PCDHGA2: variants seen among roughly 807,000 people sequenced by gnomAD.
The protein encoded by PCDHGA2 is protocadherin gamma subfamily A, 2, also known as protocadherin gamma-A2.
Under a neutral mutation model 59.2 loss-of-function variants are expected in PCDHGA2, and 40 were observed. That is an observed-to-expected ratio of 0.68 (90% confidence interval 0.52 to 0.88). PCDHGA2 has a LOEUF of 0.88. PCDHGA2 is among the 40% of genes least tolerant of loss of function. The probability of loss-of-function intolerance (pLI) is 0.00; values close to 1 mark genes in which losing one functional copy is unlikely to be tolerated. For synonymous variants in PCDHGA2, 560 were observed against 526.0 expected (o/e 1.06, Z -0.89); for missense variants, 1,226 against 1,204.0 (o/e 1.02, Z -0.27).
intron 1 of PCDHGA2, chr5:141,404,048 ATTC>A (rs1247713760): frequency 1.9e-6 from 3 of 1,613,866 alleles, no homozygotes; most frequent in South Asian, 1.1e-5. Flanking sequence ...GGGAACAGTA[ATTC>A]TTCTTTTCAA....
At chr5:141,385,263 T>C in intron 1 of PCDHGA2, 1 of 1,613,672 alleles carries the variant, frequency 6.2e-7, no homozygotes, top group Non-Finnish European at 8.5e-7. Flanking sequence ...GTGAGAAAAA[T>C]GATTCTTTGC....
intron 1 of PCDHGA2, chr5:141,352,285 T>C (rs750239833): frequency 1.9e-6 from 3 of 1,613,662 alleles, no homozygotes; most frequent in Non-Finnish European, 2.5e-6. Flanking sequence ...GCGACCGCCC[T>C]GAGCCCTCTG....
intron 1 of PCDHGA2, chr5:141,366,264 C>A (rs1421059468): frequency 6.2e-7 from 1 of 1,613,686 alleles, no homozygotes; most frequent in Non-Finnish European, 8.5e-7. Flanking sequence ...CTCGTGGTGG[C>A]CGTCGAAGAC....
rs1012728568 is a variant in PCDHGA2 at position 141,495,487 on chromosome 5, T to C, written c.2483+622T>C. Among the ~76,000 whole-genome samples, 22 of 152,328 alleles carry C rather than the reference T, an allele frequency of 1.4e-4. 1 individual carries two copies. The East Asian group carries it at 4.1e-3, about 28-fold the overall frequency. ...GGGGTCTCCGTGTCTCTGCCCCTTT[T>C]TCTTGAGTTTCCGTCTTTGCCACTT... On this transcript the variant is annotated intron_variant, in intron 2 of 3. Coordinates refer to ENST00000394576, the MANE Select transcript of PCDHGA2 (RefSeq NM_018915.4).
At chr5:141,393,301 G>A (rs1398078406) in intron 1 of PCDHGA2, 2 of 1,613,768 alleles carry the variant, frequency 1.2e-6, no homozygotes, top group Non-Finnish European at 1.7e-6. Context: ...CCGGATGTGG[G>A]CGTGAACTCC....
chr5:141,357,730 A>G (rs1330866437), intron 1 of PCDHGA2: 2 of 1,357,402 alleles, frequency 1.5e-6, no homozygotes, highest in Non-Finnish European at 2.0e-6. Flanking sequence ...CTCTTTTAAT[A>G]TTTTATTGCT....
intron 1 of PCDHGA2, among the ~76,000 whole-genome samples, chr5:141,488,434 C>T (rs1231743982): frequency 2.6e-5 from 4 of 152,166 alleles, no homozygotes; most frequent in African/African-American, 7.2e-5. Flanking sequence ...TGGCCTCTGA[C>T]CACCCTCCTG....
intron 1 of PCDHGA2, chr5:141,405,141 A>G (rs749502643): frequency 6.2e-7 from 1 of 1,613,980 alleles, no homozygotes; most frequent in South Asian, 1.1e-5. Flanking sequence ...GCTACCAGTG[A>G]TGGGTTGGCT....
chr5:141,472,316 C>T (rs1456055286), intron 1 of PCDHGA2, among the ~76,000 whole-genome samples: 6 of 151,940 alleles, frequency 3.9e-5, no homozygotes, highest in Non-Finnish European at 8.8e-5. Context: ...CCGAGGCAGG[C>T]AGATCACGAG....
intron 1 of PCDHGA2, chr5:141,344,198 GC>G: frequency 6.2e-7 from 1 of 1,614,034 alleles, no homozygotes; most frequent in South Asian, 1.1e-5. Context: ...TGGGGCTAGA[GC>G]CCCGGGAGCT....
chr5:141,504,200 G>C (rs1232187138), intron 2 of PCDHGA2, among the ~76,000 whole-genome samples: 1 of 152,154 alleles, frequency 6.6e-6, no homozygotes, highest in Non-Finnish European at 1.5e-5. Context: ...TTGTCACTGT[G>C]GGAAAATTCC....
At chr5:141,365,312 G>C in intron 1 of PCDHGA2, 1 of 1,614,006 alleles carries the variant, frequency 6.2e-7, no homozygotes, top group Non-Finnish European at 8.5e-7. Context: ...AGGCGCTCTT[G>C]TTGCCAGCGC....
chr5:141,476,271 C>T lies in PCDHGA2; in HGVS notation c.2425-18536C>T. Reference sequence around the variant, plus strand: ...GGTTTCGCTGTGGGCAACGTGGTCGCGAACCTTGGTTTGGATCTCGGTAGC... The same window carrying T: ...GGTTTCGCTGTGGGCAACGTGGTCGTGAACCTTGGTTTGGATCTCGGTAGC... On this transcript the variant is annotated intron_variant, in intron 1 of 3. Coordinates refer to ENST00000394576, the MANE Select transcript of PCDHGA2 (RefSeq NM_018915.4). This position sits in a 1 kb window ranked among gnomAD's most constrained non-coding sequence, Gnocchi z 7.6. 4 of 1,613,892 alleles carry T rather than the reference C, an allele frequency of 2.5e-6. No homozygotes were observed. The highest frequency in any genetic ancestry group is 3.4e-6 in the Non-Finnish European group (4 of 1,179,974).
intron 1 of PCDHGA2, among the ~76,000 whole-genome samples, chr5:141,454,796 ATTTTTTTTTTT>A (rs61612330): frequency 0.01 from 775 of 77,498 alleles, 10 homozygotes; most frequent in African/African-American, 0.043. Context: ...CATGGTTCTA[ATTTTTTTTTTT>A]TTTTTTTTTT....
rs534823543 is a variant in PCDHGA2, at chr5:141,383,535, C to T, written c.2424+42140C>T. ...AAGAGCGGGTTCACCACCTGGTCCT[C>T]ACAGCCTCTGATGGCGGCGACCCGC... On this transcript the variant is annotated intron_variant, in intron 1 of 3. Transcript: ENST00000394576. The T allele has an allele frequency of 1.9e-5, 31 of 1,612,472 alleles. No individual in the cohort carries two copies. The African/African-American group carries it at 3.7e-4, about 19-fold the overall frequency.
At chr5:141,371,745 G>C (rs767038146) in intron 1 of PCDHGA2, 1 of 1,614,002 alleles carries the variant, frequency 6.2e-7, no homozygotes, top group Non-Finnish European at 8.5e-7. Context: ...CAACGTTCCC[G>C]TTTTCCACCA....
At chr5:141,403,972 A>G in intron 1 of PCDHGA2, 1 of 1,613,968 alleles carries the variant, frequency 6.2e-7, no homozygotes, top group East Asian at 2.2e-5. Flanking sequence ...TGGAAGATGT[A>G]AATGACAATA....
intron 1 of PCDHGA2, chr5:141,428,120 C>T (rs756805763): frequency 3.7e-6 from 6 of 1,606,528 alleles, no homozygotes; most frequent in East Asian, 4.5e-5. Flanking sequence ...CCATCGAGCC[C>T]GGGCTTTTCA....
intron 1 of PCDHGA2, chr5:141,407,992 G>A (rs929571955): frequency 4.3e-5 from 37 of 851,508 alleles, no homozygotes; most frequent in Middle Eastern, 3.7e-4. Context: ...GTCAGCCTCT[G>A]GCCTGGGATT....
Sources: allele counts gnomAD v4.1 joint callset (sites outside exome capture counted in the v4.1 genomes callset), GRCh38; gene constraint gnomAD v4.1.1; non-coding constraint Gnocchi (gnomAD v3.1); transcripts MANE v1.5; gene names NCBI Gene and HGNC (gene_info 2026-07-23, HGNC 2026-07-21).